VPS41: variants seen among roughly 807,000 people sequenced by gnomAD.
VPS41 encodes VPS41 subunit of HOPS complex.
VPS41 carries 85 observed loss-of-function variants against 130.9 expected under a neutral mutation model. The observed-to-expected ratio is 0.65, with a 90% CI of 0.55 to 0.78. The LOEUF (loss-of-function observed/expected upper bound fraction) is 0.78, where lower values mean the gene tolerates loss of function less well. VPS41 is among the 30% of genes least tolerant of loss of function. VPS41 has a pLI of 0.00. For missense variants in VPS41, 874 were observed against 1,018.7 expected (o/e 0.86, Z 1.93); for synonymous variants, 335 against 332.9 (o/e 1.01, Z -0.07).
At chr7:38,904,553 G>T (rs1056556914) in intron 1 of VPS41, among the ~76,000 whole-genome samples, 6 of 152,186 alleles carry the variant, frequency 3.9e-5, no homozygotes, top group Non-Finnish European at 7.3e-5. Flanking sequence ...AGGTTTCGAT[G>T]ATTAACCTCT....
rs549688869 is a variant in VPS41, at chr7:38,794,811, T to C, written c.717+654A>G. On this transcript the variant is annotated intron_variant, in intron 9 of 28. Transcript: ENST00000310301. ...TTTTGTTCGAATTAAGCTGTCTATT[T>C]TTTAAAGGGAAACAACTTTTGGCTC... 3.2e-4 allele frequency among the ~76,000 whole-genome samples: 49 copies of C among 152,350 alleles called. 1 individual carries two copies. The highest frequency in any genetic ancestry group is 3.4e-3 in the Middle Eastern group (1 of 294).
rs572805799 is a variant in VPS41 at position 38,890,917 on chromosome 7, C to T, written c.60+7174G>A. Among the ~76,000 whole-genome samples the T allele has an allele frequency of 2.5e-4, 38 of 152,172 alleles. 1 individual carries two copies. The South Asian group carries it at 7.9e-3, about 32-fold the overall frequency. ...CCCCAGCTGGTCTCAAACTCCTGGC[C>T]TCAAGTGATCCTCCCGCCTTGACCT... On this transcript the variant is annotated intron_variant, in intron 2 of 28. Transcript: ENST00000310301.
At chr7:38,857,322 T>C (rs1233132067) in intron 4 of VPS41, among the ~76,000 whole-genome samples, 3 of 152,226 alleles carry the variant, frequency 2.0e-5, no homozygotes, top group Admixed American at 1.3e-4. Flanking sequence ...AATATTTATA[T>C]AATGTCTCTT....
At chr7:38,792,502 A>G (rs1165435621) in intron 9 of VPS41, among the ~76,000 whole-genome samples, 2 of 152,190 alleles carry the variant, frequency 1.3e-5, no homozygotes, top group African/African-American at 4.8e-5. Flanking sequence ...CCAACTGTCA[A>G]CAAATACTGC....
At chr7:38,756,180 TTC>T (rs1783788636) in intron 19 of VPS41, among the ~76,000 whole-genome samples, 1 of 151,388 alleles carries the variant, frequency 6.6e-6, no homozygotes, top group Admixed American at 6.6e-5. Context: ...ACCTCATTAT[TTC>T]TGTCATGAGC....
chr7:38,886,536 C>G (rs1192607366), intron 2 of VPS41, among the ~76,000 whole-genome samples: 1 of 152,244 alleles, frequency 6.6e-6, no homozygotes, highest in Non-Finnish European at 1.5e-5. Flanking sequence ...TGGGCAGAGC[C>G]CACCGCAGTT....
chr7:38,778,046 C>A (rs537518364), intron 10 of VPS41, among the ~76,000 whole-genome samples: 1 of 152,142 alleles, frequency 6.6e-6, no homozygotes, highest in Non-Finnish European at 1.5e-5. Context: ...ATTTTCGCAC[C>A]AAAATAAAAT....
At chr7:38,857,580 T>C (rs905498202) in intron 4 of VPS41, among the ~76,000 whole-genome samples, 1 of 152,212 alleles carries the variant, frequency 6.6e-6, no homozygotes, top group Non-Finnish European at 1.5e-5. Flanking sequence ...TAAATTAAAA[T>C]GCTTAAATAA....
intron 21 of VPS41, among the ~76,000 whole-genome samples, chr7:38,753,186 T>C (rs773249654): frequency 2.0e-5 from 3 of 152,156 alleles, no homozygotes; most frequent in Non-Finnish European, 4.4e-5. Flanking sequence ...CCCACGAGCA[T>C]TAACACCTTG....
intron 2 of VPS41, among the ~76,000 whole-genome samples, chr7:38,880,798 G>A (rs1195347387): frequency 1.3e-5 from 2 of 152,206 alleles, no homozygotes; most frequent in Non-Finnish European, 2.9e-5. Context: ...GCAGAGACAG[G>A]AATGCCTTAA....
intron 17 of VPS41, among the ~76,000 whole-genome samples, chr7:38,759,223 A>G (rs912933433): frequency 2.6e-5 from 4 of 152,190 alleles, no homozygotes; most frequent in African/African-American, 9.6e-5. Flanking sequence ...GCAGGAACTG[A>G]TGCTATCTTC....
chr7:38,848,669 CA>C (rs1361092784), intron 4 of VPS41, among the ~76,000 whole-genome samples: 3 of 152,174 alleles, frequency 2.0e-5, no homozygotes, highest in Non-Finnish European at 4.4e-5. Context: ...CCACACTTTA[CA>C]GATGAAGAAA....
At chr7:38,798,325 C>T (rs1784659329) in intron 7 of VPS41, among the ~76,000 whole-genome samples, 2 of 152,126 alleles carry the variant, frequency 1.3e-5, no homozygotes, top group Admixed American at 1.3e-4. Context: ...TGGAGTCTCA[C>T]TCTGTTACCC....
intron 7 of VPS41, among the ~76,000 whole-genome samples, chr7:38,816,200 C>G (rs1201973642): frequency 2.0e-5 from 3 of 152,156 alleles, no homozygotes; most frequent in Non-Finnish European, 4.4e-5. Context: ...GTCCCCTGGA[C>G]ATTTTAACAT....
intron 25 of VPS41, among the ~76,000 whole-genome samples, chr7:38,738,243 TTA>T (rs971950404): frequency 6.6e-6 from 1 of 152,228 alleles, no homozygotes; most frequent in Non-Finnish European, 1.5e-5. Context: ...TTTTTAGAGA[TTA>T]CTTGTGGCTG....
intron 19 of VPS41, among the ~76,000 whole-genome samples, chr7:38,755,545 A>C (rs1335618316): frequency 6.6e-6 from 1 of 152,198 alleles, no homozygotes; most frequent in African/African-American, 2.4e-5. Context: ...AAAGCAGCAC[A>C]CCAGACTGAG....
chr7:38,810,319 A>C (rs1784918806), intron 7 of VPS41, among the ~76,000 whole-genome samples: 1 of 152,156 alleles, frequency 6.6e-6, no homozygotes, highest in African/African-American at 2.4e-5. Context: ...AGAAGCCAGA[A>C]CTTTGAAAAG....
chr7:38,869,079 T>C (rs1786290167), intron 3 of VPS41, 67 bp downstream of exon 3: 11 of 1,279,020 alleles, frequency 8.6e-6, no homozygotes, highest in Non-Finnish European at 1.2e-5. Flanking sequence ...ACATCAGGAC[T>C]CCAAAGCACA....
At chr7:38,813,541 A>G (rs1360190771) in intron 7 of VPS41, among the ~76,000 whole-genome samples, 1 of 152,180 alleles carries the variant, frequency 6.6e-6, no homozygotes, top group Non-Finnish European at 1.5e-5. Flanking sequence ...TGTATCAATA[A>G]AACTATTTTA....
Sources: gnomAD v4.1 joint callset for allele counts (sites outside exome capture counted in the v4.1 genomes callset) on GRCh38, gnomAD v4.1.1 for gene constraint, MANE v1.5 for transcripts, NCBI Gene and HGNC (gene_info 2026-07-23, HGNC 2026-07-21) for gene names.